Variants in GOLT1A observed in about 807,000 individuals in gnomAD.
GOLT1A encodes the protein golgi transport 1A.
In GOLT1A, 10 loss-of-function variants were observed where a neutral mutation model predicts 16.1. That is an observed-to-expected ratio of 0.62 (90% CI 0.38 to 1.05). The LOEUF (loss-of-function observed/expected upper bound fraction) is 1.05. Among genes scored for constraint, GOLT1A ranks in the 50% least tolerant of loss-of-function variants. The pLI is 0.01. For missense variants in GOLT1A, 137 were observed against 165.7 expected (o/e 0.83, Z 0.95); for synonymous variants, 60 against 67.9 (o/e 0.88, Z 0.57).
chr1:204,212,807 G>A (rs1218362086), intron 1 of GOLT1A, among the ~76,000 whole-genome samples: 1 of 152,020 alleles, frequency 6.6e-6, no homozygotes, highest in African/African-American at 2.4e-5. Context: ...CCAGTGTCCT[G>A]ACCCCTCAGT....
At chr1:204,199,370 G>T in intron 3 of GOLT1A, 112 bp from the exon 4 acceptor site, 1 of 810,566 alleles carries the variant, frequency 1.2e-6, no homozygotes, top group Non-Finnish European at 2.1e-6. Flanking sequence ...ACACACCAGG[G>T]ACAGGCTTGA....
intron 4 of GOLT1A, 117 bp downstream of exon 4, chr1:204,199,078 A>AG: frequency 1.2e-6 from 1 of 854,882 alleles, no homozygotes; most frequent in Admixed American, 2.1e-5. Context: ...AGGGGGTCTG[A>AG]GGGGAGACAG....
At chr1:204,210,291 C>T (rs1659119635) in intron 1 of GOLT1A, among the ~76,000 whole-genome samples, 1 of 152,212 alleles carries the variant, frequency 6.6e-6, no homozygotes. Flanking sequence ...GCTCTAACTG[C>T]CCTTTCTCTG....
chr1:204,212,349 C>G (rs969199020), intron 1 of GOLT1A, among the ~76,000 whole-genome samples: 1 of 152,158 alleles, frequency 6.6e-6, no homozygotes, highest in Admixed American at 6.6e-5. Context: ...GGACTGGCTT[C>G]CCTGGCTGGG....
intron 1 of GOLT1A, among the ~76,000 whole-genome samples, chr1:204,204,126 CT>C (rs951944688): frequency 1.3e-5 from 2 of 152,128 alleles, no homozygotes; most frequent in Non-Finnish European, 2.9e-5. Context: ...AAAATTCATT[CT>C]GTTGCTTTGT....
At chr1:204,212,367 G>A (rs1314222539) in intron 1 of GOLT1A, among the ~76,000 whole-genome samples, 10 of 151,986 alleles carry the variant, frequency 6.6e-5, no homozygotes, top group Admixed American at 1.3e-4. Context: ...GGGCGCGGTG[G>A]CTCACGCCTG....
At chr1:204,210,835 A>G (rs1659126612) in intron 1 of GOLT1A, among the ~76,000 whole-genome samples, 1 of 152,146 alleles carries the variant, frequency 6.6e-6, no homozygotes, top group Non-Finnish European at 1.5e-5. Flanking sequence ...TACTTGGCAT[A>G]TCTGCCTGGT....
In GOLT1A at chr1:204,208,446, GTATATATGTATACT is replaced by G. The variant is rs1428683540; in HGVS notation, c.25+5422_25+5435del. On this transcript the variant is annotated intron_variant, in intron 1 of 4. Coordinates refer to ENST00000308302, the MANE Select transcript of GOLT1A (RefSeq NM_198447.2). ...TATGTGTATATGTATACATATGTGTGTATATATGTATACTTGTGTGTGTGTGTGTGTATATATAT... is the reference window on the plus strand; with the variant it reads ...TATGTGTATATGTATACATATGTGTGTGTGTGTGTGTGTGTGTATATATAT... Among the ~76,000 whole-genome samples, 249 of 75,404 alleles carry G rather than the reference GTATATATGTATACT, an allele frequency of 3.3e-3. 6 individuals are homozygous for G. The highest frequency in any genetic ancestry group is 5.4e-3 in the Non-Finnish European group (169 of 31,090). 49.5% of individuals were successfully genotyped at this position (75,404 alleles called of 152,430 possible). A position where few individuals can be genotyped will look rare whatever the true frequency, so the allele number is the denominator to read the frequency against.
chr1:204,213,394 G>A (rs1294460228), intron 1 of GOLT1A, among the ~76,000 whole-genome samples: 1 of 152,056 alleles, frequency 6.6e-6, no homozygotes, highest in Non-Finnish European at 1.5e-5. Context: ...CATGGCCCCA[G>A]ACTTGTTCCA....
intron 1 of GOLT1A, among the ~76,000 whole-genome samples, chr1:204,211,986 C>G (rs1659144646): frequency 6.6e-6 from 1 of 152,106 alleles, no homozygotes; most frequent in African/African-American, 2.4e-5. Flanking sequence ...CATGGATGCT[C>G]ATAGTCCTAA....
In GOLT1A at chr1:204,198,492, A is replaced by C; in HGVS notation, c.365T>G (p.Phe122Cys). 6.2e-7 allele frequency: 1 copy of C among 1,613,456 alleles called. No individual in the cohort carries two copies. Among genetic ancestry groups the C allele is most frequent in the South Asian group, 1.1e-5 (1 of 91,032 alleles). ...CGAGCTAGTGCCTTGAAGTCTCCGG[A>C]ACAGCTGTGGGAGCCAAGAATCATT... ...VCNIPFLGALFRRLQGTSSMV is the reference protein window; with the variant it reads ...VCNIPFLGALCRRLQGTSSMV The change falls in exon 5 of 5, where the codon TTC becomes TGC. Residue 122 changes from phenylalanine to cysteine, a missense_variant. Phe to Cys is a radical substitution (Grantham distance 205). Coordinates refer to ENST00000308302, the MANE Select transcript of GOLT1A (RefSeq NM_198447.2).
In GOLT1A at chr1:204,198,289, G is replaced by C; in HGVS notation, c.*169C>G. The C allele has an allele frequency of 1.6e-6, 1 of 623,440 alleles. No homozygotes were observed. The highest frequency in any genetic ancestry group is 2.8e-6 in the Non-Finnish European group (1 of 359,774). 38.6% of individuals were successfully genotyped at this position (623,440 alleles called of 1,614,324 possible). ...CTGCTTCCTGGCAGCCTCTTGAGTC[G>C]ACTTGGGGATTTGACGTCAGTTGCT... On this transcript the variant is annotated 3_prime_UTR_variant, in exon 5 of 5. Coordinates refer to ENST00000308302, the MANE Select transcript of GOLT1A (RefSeq NM_198447.2).
Position 204,213,964 on chromosome 1 carries a change from G to C in GOLT1A, c.-58C>G. 1 of 1,592,230 alleles carries C rather than the reference G, an allele frequency of 6.3e-7. No individual in the cohort carries two copies. The highest frequency in any genetic ancestry group is 1.1e-5 in the South Asian group (1 of 88,566). ...AAGCGGGCAAGTGGAGCGTGGCCCA[G>C]AGGACGCAGCTGGTACATGGTCACG... On this transcript the variant is annotated 5_prime_UTR_variant, in exon 1 of 5. Transcript: ENST00000308302.
rs1052722047 is a variant in GOLT1A, at chr1:204,199,252, A to T, written c.303T>A (p.Phe101Leu). 4 of 1,603,458 alleles carry T rather than the reference A, an allele frequency of 2.5e-6. No homozygotes were observed. The African/African-American group carries it at 5.3e-5, about 21-fold the overall frequency. The change falls in exon 4 of 5, where the codon TTT (phenylalanine) becomes TTA (leucine). Residue 101 changes from phenylalanine (F) to leucine (L), a missense_variant. Physicochemically the swap from Phe to Leu is conservative, Grantham distance 22. Coordinates refer to ENST00000308302, the MANE Select transcript of GOLT1A (RefSeq NM_198447.2). The stretch of plus-strand genomic sequence containing the variant: ...CCAGGAAGCCGAAGGCGACAGGGAA[A>T]AAGCCCCTAGGAGCAGAGGGGAGAA... Reference protein sequence around the residue: ...TYGFFSLFKGFFPVAFGFLGN... With the variant: ...TYGFFSLFKGLFPVAFGFLGN...
intron 1 of GOLT1A, among the ~76,000 whole-genome samples, chr1:204,208,824 C>A (rs183005022): frequency 1.5e-4 from 23 of 152,152 alleles, no homozygotes; most frequent in African/African-American, 4.8e-4. Context: ...ATGTAACCAA[C>A]CACCTGTTCC....
intron 3 of GOLT1A, among the ~76,000 whole-genome samples, chr1:204,200,088 C>T (rs1005460828): frequency 1.3e-5 from 2 of 151,916 alleles, no homozygotes; most frequent in African/African-American, 4.8e-5. Context: ...GAATTTGCTG[C>T]TGTCCCACTC....
intron 1 of GOLT1A, among the ~76,000 whole-genome samples, chr1:204,212,492 C>G (rs761194108): frequency 5.3e-5 from 8 of 151,968 alleles, no homozygotes; most frequent in Admixed American, 1.3e-4. Context: ...CAAAAATTAG[C>G]CAGGTGTGGT....
At chr1:204,199,093 GAGGCC>G in intron 4 of GOLT1A, 97 bp downstream of exon 4, 1 of 996,424 alleles carries the variant, frequency 1.0e-6, no homozygotes, top group Non-Finnish European at 1.5e-6. Context: ...AGACAGGGGA[GAGGCC>G]ACTGCCCCTG....
At chr1:204,206,111 C>T (rs767253351) in intron 1 of GOLT1A, among the ~76,000 whole-genome samples, 10 of 152,100 alleles carry the variant, frequency 6.6e-5, no homozygotes, top group Non-Finnish European at 1.0e-4. Flanking sequence ...TAAGATCTAG[C>T]ATTCAAATTA....
Sources: allele counts gnomAD v4.1 joint callset (sites outside exome capture counted in the v4.1 genomes callset), GRCh38; gene constraint gnomAD v4.1.1; transcripts MANE v1.5; gene names NCBI Gene and HGNC (gene_info 2026-07-23, HGNC 2026-07-21).